TOGARAM2: variants seen among roughly 807,000 people sequenced by gnomAD.
TOGARAM2 encodes the protein TOG array regulator of axonemal microtubules protein 2.
Under a neutral mutation model 93.3 loss-of-function variants are expected in TOGARAM2, and 85 were observed. The ratio of observed to expected loss-of-function variants is 0.91; its 90% CI spans 0.76 to 1.09. The LOEUF is 1.09. TOGARAM2 is among the 50% of genes least tolerant of loss of function. The pLI, the probability that TOGARAM2 is intolerant of heterozygous loss-of-function variation, is 0.00. For synonymous variants in TOGARAM2, 593 were observed against 552.8 expected, an observed-to-expected ratio of 1.07 and a Z score of -1.02; for missense variants, 1,277 against 1,334.5, an observed-to-expected ratio of 0.96 and a Z score of 0.67.
intron 1 of TOGARAM2, among the ~76,000 whole-genome samples, chr2:28,992,053 A>C (rs940624108): frequency 6.6e-5 from 10 of 152,084 alleles, no homozygotes; most frequent in African/African-American, 2.2e-4. Context: ...AACAGGGGAG[A>C]GTAGCGCCTT....
intron 18 of TOGARAM2, among the ~76,000 whole-genome samples, chr2:29,038,078 A>T (rs1666224113): frequency 6.6e-6 from 1 of 152,132 alleles, no homozygotes; most frequent in Non-Finnish European, 1.5e-5. Flanking sequence ...TGGGCAAAAA[A>T]TCTAGTGTCT....
At chr2:28,999,616 T>G in intron 4 of TOGARAM2, 148 bp downstream of exon 4, 23 of 957,362 alleles carry the variant, frequency 2.4e-5, no homozygotes, top group Non-Finnish European at 3.3e-5. Flanking sequence ...GTACCTTCTC[T>G]ATGGCTTCAG....
At chr2:28,973,150 G>A (rs75889805) in intron 1 of TOGARAM2, among the ~76,000 whole-genome samples, 728 of 152,242 alleles carry the variant, frequency 4.8e-3, no homozygotes, top group Admixed American at 9.7e-3. Context: ...TTCCCACAGG[G>A]TGATGAGGAG....
intron 6 of TOGARAM2, among the ~76,000 whole-genome samples, chr2:29,005,739 A>G (rs964001682): frequency 8.2e-6 from 1 of 121,264 alleles, no homozygotes; most frequent in African/African-American, 3.4e-5. Flanking sequence ...GTGTGAGCAC[A>G]TATATGTGTG....
intron 6 of TOGARAM2, among the ~76,000 whole-genome samples, chr2:29,007,412 C>T (rs1286904649): frequency 6.6e-6 from 1 of 152,172 alleles, no homozygotes; most frequent in African/African-American, 2.4e-5. Context: ...TCAGTGTCAT[C>T]TTTGACCCTT....
chr2:28,994,631 C>T, intron 1 of TOGARAM2, 94 bp from the exon 2 acceptor site: 1 of 496,832 alleles, frequency 2.0e-6, no homozygotes, highest in Admixed American at 3.3e-5. Context: ...TTCTTCATGA[C>T]AATAATGCTT....
At chr2:28,990,457 A>AT (rs1199998672) in intron 1 of TOGARAM2, among the ~76,000 whole-genome samples, 1 of 152,108 alleles carries the variant, frequency 6.6e-6, no homozygotes, top group Non-Finnish European at 1.5e-5. Flanking sequence ...GTCTCCCCCG[A>AT]TGGCCCTCAT....
intron 13 of TOGARAM2, among the ~76,000 whole-genome samples, chr2:29,024,833 G>T (rs948578099): frequency 6.6e-6 from 1 of 152,180 alleles, no homozygotes; most frequent in African/African-American, 2.4e-5. Context: ...GAGCAGTGTT[G>T]CTTTCTGATG....
At chr2:28,986,743 TCCCC>T (rs1672488230) in intron 1 of TOGARAM2, among the ~76,000 whole-genome samples, 1 of 152,176 alleles carries the variant, frequency 6.6e-6, no homozygotes. Context: ...AAGGGACATT[TCCCC>T]TCTTCCTGAA....
At chr2:28,984,523 A>C (rs1193659983) in intron 1 of TOGARAM2, among the ~76,000 whole-genome samples, 2 of 152,210 alleles carry the variant, frequency 1.3e-5, no homozygotes, top group South Asian at 2.1e-4. Context: ...CTTGCTTCCT[A>C]GTCCCTTCTG....
intron 1 of TOGARAM2, among the ~76,000 whole-genome samples, chr2:28,976,228 G>A (rs931158074): frequency 4.6e-5 from 7 of 152,110 alleles, no homozygotes; most frequent in Non-Finnish European, 1.0e-4. Flanking sequence ...ATAATTAGCC[G>A]GACGTGGTGG....
chr2:29,007,785 G>A (rs775325025), intron 6 of TOGARAM2, among the ~76,000 whole-genome samples: 12 of 151,660 alleles, frequency 7.9e-5, no homozygotes, highest in East Asian at 1.9e-4. Context: ...GTTCCTCCCC[G>A]CTGTCCCCCA....
At chr2:29,008,109 TTTTG>T (rs887993714) in intron 6 of TOGARAM2, among the ~76,000 whole-genome samples, 21 of 151,888 alleles carry the variant, frequency 1.4e-4, no homozygotes, top group African/African-American at 3.4e-4. Context: ...TTTAAATTTA[TTTTG>T]TTTATTTATT....
intron 10 of TOGARAM2, chr2:29,018,673 A>C (rs966488558): frequency 1.3e-5 from 2 of 152,276 alleles, no homozygotes; most frequent in Non-Finnish European, 2.9e-5. Context: ...TCCTCTTTCT[A>C]TCCTTTCAAT....
rs539940583 is a variant in TOGARAM2, at chr2:29,036,854, G to T, written c.2635+97G>T. The stretch of plus-strand genomic sequence containing the variant: ...GGATAAGGCCTTGGTTGGTTCCCAG[G>T]CCAGATGTTTCACCAGAGGCTGTGT... On this transcript the variant is annotated intron_variant, in intron 18 of 19. Transcript: ENST00000379558. 2.8e-5 allele frequency: 35 copies of T among 1,242,646 alleles called. No homozygotes were observed. The African/African-American group carries it at 4.9e-4, about 17-fold the overall frequency. The allele number at this position is 1,242,646 out of a possible 1,614,324, so 77.0% of individuals were successfully genotyped here. A position where few individuals can be genotyped will look rare whatever the true frequency, so the allele number is the denominator to read the frequency against.
intron 9 of TOGARAM2, 65 bp downstream of exon 9, chr2:29,017,369 G>C (rs1027154166): frequency 1.4e-6 from 2 of 1,388,122 alleles, no homozygotes; most frequent in Non-Finnish European, 1.9e-6. Flanking sequence ...CTCATAGCCT[G>C]CTGATGGGCC....
chr2:29,038,868 C>A (rs2148384280), intron 18 of TOGARAM2, among the ~76,000 whole-genome samples: 1 of 152,262 alleles, frequency 6.6e-6, no homozygotes, highest in East Asian at 1.9e-4. Flanking sequence ...TGAAAGTGTT[C>A]CTAACTTTGA....
At chr2:29,013,453 T>C (rs749790810) in intron 7 of TOGARAM2, among the ~76,000 whole-genome samples, 3 of 152,168 alleles carry the variant, frequency 2.0e-5, no homozygotes, top group Non-Finnish European at 4.4e-5. Flanking sequence ...AGAGAGAGGC[T>C]GGTAGTGGCT....
At chr2:28,980,899 C>T (rs2148232800), upstream of TOGARAM2, among the ~76,000 whole-genome samples, 1 of 152,312 alleles carries the variant, frequency 6.6e-6, no homozygotes, top group South Asian at 2.1e-4. Context: ...AAAGTTCTGA[C>T]CAGAGGGCAC....
Sources: allele counts gnomAD v4.1 joint callset (sites outside exome capture counted in the v4.1 genomes callset), GRCh38; gene constraint gnomAD v4.1.1; transcripts MANE v1.5; gene names NCBI Gene and HGNC (gene_info 2026-07-23, HGNC 2026-07-21).